Variants in AIG1 observed in about 807,000 individuals in gnomAD.
The protein encoded by AIG1 is androgen-induced gene 1 protein.
Under a neutral mutation model 31.4 loss-of-function variants are expected in AIG1, and 23 were observed. The ratio of observed to expected loss-of-function variants is 0.73; its 90% CI spans 0.53 to 1.04. The LOEUF is 1.04. AIG1 is among the 50% of genes least tolerant of loss of function. The pLI is 0.00. For missense variants in AIG1, 274 were observed against 295.0 expected (o/e 0.93, Z 0.52); for synonymous variants, 100 against 110.5 (o/e 0.90, Z 0.60).
rs1364905308 is a variant in AIG1, at chr6:143,082,503, G to A, written c.141+21437G>A. Among the ~76,000 whole-genome samples, 13 of 152,312 alleles carry A rather than the reference G, an allele frequency of 8.5e-5. No individual in the cohort carries two copies. In the East Asian group the frequency reaches 1.3e-3, roughly 16 times the overall value. ...ACTGGTCCTTCAAGTAATAGAGCCC[G>A]ATATTTAAGCAAACGGTTGTCTGAC... On this transcript the variant is annotated intron_variant, in intron 1 of 5. Coordinates refer to ENST00000357847, the MANE Select transcript of AIG1 (RefSeq NM_016108.4).
At chr6:143,091,569 T>C (rs1004030999) in intron 1 of AIG1, among the ~76,000 whole-genome samples, 1 of 152,244 alleles carries the variant, frequency 6.6e-6, no homozygotes, top group African/African-American at 2.4e-5. Context: ...TCTCTATCTT[T>C]GAAAGCACTA....
chr6:143,330,199 T>A lies in AIG1; in HGVS notation c.516-3083T>A, dbSNP rs1252235224. The stretch of plus-strand genomic sequence containing the variant: ...CAGCAATGAACATAATTGGACAAAA[T>A]TCCTTTGCTCATTGAATAGACAATA... On this transcript the variant is annotated intron_variant, in intron 4 of 5. Transcript: ENST00000357847. This position sits in a 1 kb window ranked among gnomAD's most constrained non-coding sequence, Gnocchi z 4.4. 1.3e-5 allele frequency among the ~76,000 whole-genome samples: 2 copies of A among 152,166 alleles called. No homozygotes were observed. The highest frequency in any genetic ancestry group is 2.9e-5 in the Non-Finnish European group (2 of 68,028).
intron 4 of AIG1, among the ~76,000 whole-genome samples, chr6:143,319,874 A>G (rs1776064418): frequency 6.6e-6 from 1 of 152,176 alleles, no homozygotes; most frequent in Admixed American, 6.5e-5. Context: ...GAGAAATGAG[A>G]CGGCATCATA....
At chr6:143,287,053 C>A (rs1342968423) in intron 4 of AIG1, among the ~76,000 whole-genome samples, 1 of 151,854 alleles carries the variant, frequency 6.6e-6, no homozygotes, top group East Asian at 1.9e-4. Flanking sequence ...GTTTCTCTTT[C>A]CCCCAGCCCA....
At chr6:143,205,279 T>C (rs1791025485) in intron 3 of AIG1, among the ~76,000 whole-genome samples, 1 of 152,156 alleles carries the variant, frequency 6.6e-6, no homozygotes, top group Admixed American at 6.5e-5. Context: ...ATCCAGATAA[T>C]CTCTTCCAAT....
chr6:143,086,929 G>T (rs1338592868), intron 1 of AIG1, among the ~76,000 whole-genome samples: 2 of 152,220 alleles, frequency 1.3e-5, no homozygotes, highest in African/African-American at 2.4e-5. Context: ...TCTGCCTCTA[G>T]TTGGCCCTCG....
At chr6:143,090,397 T>C (rs1462193014) in intron 1 of AIG1, among the ~76,000 whole-genome samples, 2 of 152,206 alleles carry the variant, frequency 1.3e-5, no homozygotes, top group Non-Finnish European at 2.9e-5. Context: ...CATTATAATA[T>C]CAAAAACTTA....
chr6:143,095,927 A>C (rs1338575269), intron 1 of AIG1, among the ~76,000 whole-genome samples: 2 of 76,184 alleles, frequency 2.6e-5, no homozygotes, highest in African/African-American at 1.0e-4. Flanking sequence ...TTTTTTTTTG[A>C]GATGGAGTCT....
chr6:143,274,444 A>G (rs1303057518), intron 3 of AIG1, among the ~76,000 whole-genome samples: 5 of 152,228 alleles, frequency 3.3e-5, no homozygotes. Flanking sequence ...CGATCAGTAC[A>G]GTTCCTGGCA....
chr6:143,157,062 C>T (rs1260770795), intron 2 of AIG1, among the ~76,000 whole-genome samples: 1 of 152,080 alleles, frequency 6.6e-6, no homozygotes, highest in Non-Finnish European at 1.5e-5. Flanking sequence ...ACCTTGCAGA[C>T]CTTGCTTAAT....
rs560604243 is a variant in AIG1, at chr6:143,210,907, CTT to C, written c.399+45725_399+45726del. On this transcript the variant is annotated intron_variant, in intron 3 of 5. Transcript: ENST00000357847. The stretch of plus-strand genomic sequence containing the variant: ...CACATAGATCACAAAGAAGAAAAGT[CTT>C]AAATTTTTTGAACACCAAAAAGGTA... Among the ~76,000 whole-genome samples, 172 of 152,198 alleles carry C rather than the reference CTT, an allele frequency of 1.1e-3. 1 individual carries two copies. The highest frequency in any genetic ancestry group is 2.0e-3 in the Non-Finnish European group (133 of 67,998).
intron 1 of AIG1, among the ~76,000 whole-genome samples, chr6:143,130,999 T>G (rs1783181145): frequency 6.6e-6 from 1 of 152,220 alleles, no homozygotes; most frequent in Non-Finnish European, 1.5e-5. Context: ...GTTAGTGTAG[T>G]TACTTCAGCC....
intron 3 of AIG1, among the ~76,000 whole-genome samples, chr6:143,277,005 C>T (rs957639735): frequency 9.9e-5 from 15 of 152,100 alleles, no homozygotes; most frequent in Non-Finnish European, 2.1e-4. Context: ...CTGTATTCTT[C>T]GAACATTTGA....
intron 3 of AIG1, among the ~76,000 whole-genome samples, chr6:143,234,267 A>C (rs993814804): frequency 1.3e-5 from 2 of 152,198 alleles, no homozygotes; most frequent in African/African-American, 4.8e-5. Context: ...TCTTTTTATA[A>C]TCTCTTGTTA....
At chr6:143,163,704 C>T (rs184676529) in intron 2 of AIG1, among the ~76,000 whole-genome samples, 1 of 152,330 alleles carries the variant, frequency 6.6e-6, no homozygotes, top group African/African-American at 2.4e-5. Flanking sequence ...CTATTTCCAA[C>T]TGTCAGCAAA....
chr6:143,195,175 G>A (rs573094188), intron 3 of AIG1, among the ~76,000 whole-genome samples: 1 of 152,258 alleles, frequency 6.6e-6, no homozygotes, highest in South Asian at 2.1e-4. Flanking sequence ...AGTTTAGGGT[G>A]GCTATGGTGA....
Position 143,092,003 on chromosome 6 carries a change from T to TA in AIG1, c.141+30946dup, listed in dbSNP as rs766044133. 9.3e-5 allele frequency among the ~76,000 whole-genome samples: 14 copies of TA among 151,228 alleles called. No homozygotes were observed. In the South Asian group the frequency reaches 1.7e-3, roughly 18 times the overall value. Reference sequence around the variant, plus strand: ...AATATTAATAAAATAATATTTTACCTAAAAAAAAATGGTGAATCCTTTCCA... The same window carrying TA: ...AATATTAATAAAATAATATTTTACCTAAAAAAAAAATGGTGAATCCTTTCCA... On this transcript the variant is annotated intron_variant, in intron 1 of 5. Coordinates refer to ENST00000357847, the MANE Select transcript of AIG1 (RefSeq NM_016108.4).
At chr6:143,102,171 A>G (rs971804207) in intron 1 of AIG1, among the ~76,000 whole-genome samples, 22 of 152,128 alleles carry the variant, frequency 1.4e-4, no homozygotes, top group South Asian at 4.1e-4. Flanking sequence ...ATTATTCACT[A>G]TATTGATAAT....
chr6:143,229,060 A>G (rs1157776629), intron 3 of AIG1, among the ~76,000 whole-genome samples: 1 of 152,200 alleles, frequency 6.6e-6, no homozygotes, highest in Non-Finnish European at 1.5e-5. Flanking sequence ...GAGGCAGAAT[A>G]TGGCCCTAAG....
Sources: allele counts gnomAD v4.1 joint callset (sites outside exome capture counted in the v4.1 genomes callset), GRCh38; gene constraint gnomAD v4.1.1; non-coding constraint Gnocchi (gnomAD v3.1); transcripts MANE v1.5; gene names NCBI Gene and HGNC (gene_info 2026-07-23, HGNC 2026-07-21).